Variants in SMOC2 observed in about 807,000 individuals in gnomAD.
The protein encoded by SMOC2 is SPARC related modular calcium binding 2, also known as SPARC-related modular calcium-binding protein 2.
A neutral mutation model predicts 61.4 loss-of-function variants in SMOC2; 39 were observed. The ratio of observed to expected loss-of-function variants is 0.64; its 90% CI spans 0.49 to 0.83. The LOEUF is 0.83. Ranked by LOEUF, SMOC2 falls within the 40% of genes least tolerant of loss-of-function variation. The pLI is 0.00. For synonymous variants in SMOC2, 247 were observed against 239.9 expected, an observed-to-expected ratio of 1.03 and a Z score of -0.27; for missense variants, 556 against 592.9, an observed-to-expected ratio of 0.94 and a Z score of 0.65.
In SMOC2 at chr6:168,653,052, A is replaced by G. The variant is rs1787236744; in HGVS notation, c.1109A>G (p.Lys370Arg). The part of the protein sequence containing the change: ...DKNSSGDIGK[K>R]EIKPFKRFLR... ...AACTCCAGTGGAGACATCGGCAAAA[A>G]GGAAATCAAACCCTTCAAGAGGTTC... Residue 370 changes from lysine to arginine, a missense_variant, in exon 11 of 13, where the codon AAG (lysine) becomes AGG (arginine). By Grantham distance (26) the Lys-to-Arg change is conservative (BLOSUM62 2). Transcript: ENST00000356284. 2.5e-6 allele frequency: 4 copies of G among 1,614,202 alleles called. No homozygotes were observed. Among genetic ancestry groups the G allele is most frequent in the Non-Finnish European group, 3.4e-6 (4 of 1,180,048 alleles).
At chr6:168,527,324 C>T (rs920044358) in intron 3 of SMOC2, among the ~76,000 whole-genome samples, 2 of 152,176 alleles carry the variant, frequency 1.3e-5, no homozygotes, top group Admixed American at 1.3e-4. Flanking sequence ...AGTTTCCCCA[C>T]TCATAAGATG....
At position 168,666,697 on chromosome 6, in the gene SMOC2, T is replaced by G; in HGVS notation, c.*259T>G. 1.9e-6 allele frequency: 1 copy of G among 538,236 alleles called. No individual in the cohort carries two copies. Among genetic ancestry groups the G allele is most frequent in the Non-Finnish European group, 3.4e-6 (1 of 297,866 alleles). The allele number at this position is 538,236 out of a possible 1,614,324, so 33.3% of individuals were successfully genotyped here. ...TGTATGTGGTGGAGAAGTATTTGAA[T>G]GCATTTAGGCTTAATTTCTTCGCCT... is the stretch of plus-strand genomic sequence containing the variant. On this transcript the variant is annotated 3_prime_UTR_variant, in exon 13 of 13. Transcript: ENST00000356284.
At chr6:168,518,507 GTGTGTA>G (rs1562566347) in intron 2 of SMOC2, among the ~76,000 whole-genome samples, 66 of 145,846 alleles carry the variant, frequency 4.5e-4, no homozygotes, top group African/African-American at 1.5e-3. Context: ...ATGTGTGAAT[GTGTGTA>G]AATGTGCATG....
rs750178882 is a variant in SMOC2, at chr6:168,664,384, C to CT, written c.1323+305dup. 116 of 330,284 alleles carry CT rather than the reference C, an allele frequency of 3.5e-4. 2 individuals carry two copies. The highest frequency in any genetic ancestry group is 1.1e-3 in the Admixed American group (23 of 20,264). 20.5% of individuals were successfully genotyped at this position (330,284 alleles called of 1,614,324 possible). A position where few individuals can be genotyped will look rare whatever the true frequency, so the allele number is the denominator to read the frequency against. On this transcript the variant is annotated intron_variant, in intron 12 of 12. Transcript: ENST00000356284. Reference sequence around the variant, plus strand: ...TTCTGAGTTTCCTTGTTTGGTAGATCTTTTTTTTTTTTTTTTTTTTTTTTT... The same window carrying CT: ...TTCTGAGTTTCCTTGTTTGGTAGATCTTTTTTTTTTTTTTTTTTTTTTTTTT...
intron 9 of SMOC2, among the ~76,000 whole-genome samples, chr6:168,645,628 G>A (rs1327243259): frequency 1.3e-5 from 2 of 152,210 alleles, no homozygotes; most frequent in Non-Finnish European, 2.9e-5. Flanking sequence ...GGGCACAAGA[G>A]TGGAGATAGC....
At chr6:168,480,793 CA>C (rs1562549319) in intron 1 of SMOC2, among the ~76,000 whole-genome samples, 1 of 152,048 alleles carries the variant, frequency 6.6e-6, no homozygotes, top group Non-Finnish European at 1.5e-5. Context: ...TTTCAATAGA[CA>C]AAGAGAATTT....
intron 1 of SMOC2, among the ~76,000 whole-genome samples, chr6:168,449,475 A>G (rs1781411256): frequency 6.6e-6 from 1 of 152,166 alleles, no homozygotes; most frequent in African/African-American, 2.4e-5. Context: ...AATTTGAGAG[A>G]TCTGGATGAA....
intron 7 of SMOC2, among the ~76,000 whole-genome samples, chr6:168,559,753 A>G (rs1784352515): frequency 6.6e-6 from 1 of 152,080 alleles, no homozygotes; most frequent in South Asian, 2.1e-4. Flanking sequence ...TGAGCAATTA[A>G]CGATTTATCT....
Position 168,667,365 on chromosome 6 carries a change from G to A in SMOC2, c.*927G>A, listed in dbSNP as rs1787687189. 6.6e-6 allele frequency: 1 copy of A among 152,226 alleles called. No individual in the cohort carries two copies. The highest frequency in any genetic ancestry group is 2.4e-5 in the African/African-American group (1 of 41,456). 9.4% of individuals were successfully genotyped at this position (152,226 alleles called of 1,614,324 possible). A position where few individuals can be genotyped will look rare whatever the true frequency, so the allele number is the denominator to read the frequency against. On this transcript the variant is annotated 3_prime_UTR_variant, in exon 13 of 13. Transcript: ENST00000356284. ...AAATCTTCACCTGAACCAATTATGA[G>A]CAGTCTCCTTACTGAAGGTACAGCC...
chr6:168,565,446 G>T (rs910324697), intron 7 of SMOC2, among the ~76,000 whole-genome samples: 4 of 152,124 alleles, frequency 2.6e-5, no homozygotes, highest in Non-Finnish European at 5.9e-5. Context: ...CCCTCAGTTT[G>T]CTCCTTAGAT....
intron 1 of SMOC2, among the ~76,000 whole-genome samples, chr6:168,457,791 C>T (rs1781622285): frequency 6.6e-6 from 1 of 152,164 alleles, no homozygotes; most frequent in South Asian, 2.1e-4. Context: ...TGGAATTTTT[C>T]CAAGCCTGTT....
intron 7 of SMOC2, among the ~76,000 whole-genome samples, chr6:168,596,217 G>A (rs1296392035): frequency 8.7e-6 from 1 of 114,296 alleles, no homozygotes; most frequent in African/African-American, 3.6e-5. Flanking sequence ...ATGAACAAGC[G>A]CCACGTGAAC....
intron 11 of SMOC2, among the ~76,000 whole-genome samples, chr6:168,663,117 T>C (rs7774410): frequency 0.94 from 143,676 of 152,166 alleles, 68,092 homozygotes; most frequent in African/African-American, 0.99. Flanking sequence ...GTATTTAAAA[T>C]CCTGAGGCCA....
chr6:168,637,772 TGAGAG>T (rs918757108), intron 9 of SMOC2, among the ~76,000 whole-genome samples: 2 of 152,164 alleles, frequency 1.3e-5, no homozygotes, highest in Admixed American at 6.5e-5. Context: ...CCTGAGACCT[TGAGAG>T]GAGAGAAGGA....
At chr6:168,507,548 G>A (rs1782902436) in intron 1 of SMOC2, among the ~76,000 whole-genome samples, 1 of 152,192 alleles carries the variant, frequency 6.6e-6, no homozygotes, top group Non-Finnish European at 1.5e-5. Context: ...CCTTCCCATG[G>A]CACAGCACCC....
chr6:168,472,401 G>T (rs1781984384), intron 1 of SMOC2, among the ~76,000 whole-genome samples: 1 of 152,068 alleles, frequency 6.6e-6, no homozygotes, highest in African/African-American at 2.4e-5. Flanking sequence ...TATTCTATTG[G>T]TGTATATATT....
rs4708475 is a variant in SMOC2, at chr6:168,544,572, T to C, written c.511+900T>C. Among the ~76,000 whole-genome samples, 130,583 of 152,096 alleles carry C rather than the reference T, an allele frequency of 0.86. 57,789 individuals are homozygous for C. Among genetic ancestry groups the C allele is most frequent in the East Asian group, 0.97 (5,008 of 5,176 alleles). On this transcript the variant is annotated intron_variant, in intron 5 of 12. Transcript: ENST00000356284. This position sits in a 1 kb window ranked among gnomAD's most constrained non-coding sequence, Gnocchi z 4.1. ...CCTGTAATCCCAGGTAGTCAGGAGG[T>C]TGAGGCAGGAGAATTGCTTGAGCCC...
At chr6:168,533,309 C>T (rs1210472035) in intron 4 of SMOC2, among the ~76,000 whole-genome samples, 2 of 152,168 alleles carry the variant, frequency 1.3e-5, no homozygotes, top group Non-Finnish European at 2.9e-5. Flanking sequence ...ACATGATATA[C>T]ATTTATTTAA....
At chr6:168,496,646 C>T (rs974906280) in intron 1 of SMOC2, among the ~76,000 whole-genome samples, 9 of 152,138 alleles carry the variant, frequency 5.9e-5, no homozygotes, top group East Asian at 3.9e-4. Context: ...GACGGGGCTG[C>T]GGCCTGAGAG....
Sources: allele counts gnomAD v4.1 joint callset (sites outside exome capture counted in the v4.1 genomes callset), GRCh38; gene constraint gnomAD v4.1.1; non-coding constraint Gnocchi (gnomAD v3.1); transcripts MANE v1.5; gene names NCBI Gene and HGNC (gene_info 2026-07-23, HGNC 2026-07-21).